SCP2: variants seen among roughly 807,000 people sequenced by gnomAD.
The protein encoded by SCP2 is sterol carrier protein 2.
In SCP2, 48 loss-of-function variants were observed where a neutral mutation model predicts 71.4. The observed-to-expected ratio is 0.67, with a 90% CI of 0.53 to 0.86. The LOEUF (loss-of-function observed/expected upper bound fraction) is 0.86. Among genes scored for constraint, SCP2 ranks in the 40% least tolerant of loss-of-function variants. SCP2 has a pLI of 0.00. For synonymous variants in SCP2, 220 were observed against 218.1 expected, an observed-to-expected ratio of 1.01 and a Z score of -0.08; for missense variants, 560 against 655.6, an observed-to-expected ratio of 0.85 and a Z score of 1.59.
In SCP2 at chr1:52,974,783, C is replaced by T; in HGVS notation, c.538C>T (p.His180Tyr). 6.5e-7 allele frequency: 1 copy of T among 1,543,156 alleles called. No homozygotes were observed. Among genetic ancestry groups the T allele is most frequent in the Non-Finnish European group, 9.0e-7 (1 of 1,115,458 alleles). Residue 180 changes from histidine to tyrosine, a missense_variant, in exon 7 of 16, where the codon CAC becomes TAC. Coordinates refer to ENST00000371514, the MANE Select transcript of SCP2 (RefSeq NM_002979.5). ...HMEKYGTKIE[H>Y]FAKIGWKNHK... is the part of the protein sequence containing the mutation. ...TTTCTTTACAGGAACAAAAATTGAA[C>T]ACTTTGCAAAAATTGGATGGAAAAA...
chr1:52,991,725 G>GA (rs1435983656), intron 11 of SCP2, among the ~76,000 whole-genome samples: 7 of 151,680 alleles, frequency 4.6e-5, no homozygotes, highest in Middle Eastern at 3.4e-3. Context: ...ATCACAGTAT[G>GA]AAAAATAATT....
chr1:53,003,514 C>T (rs2150212714), intron 11 of SCP2, among the ~76,000 whole-genome samples: 1 of 152,040 alleles, frequency 6.6e-6, no homozygotes, highest in South Asian at 2.1e-4. Flanking sequence ...GCCATCATGC[C>T]TTCTTTTTCT....
intron 11 of SCP2, among the ~76,000 whole-genome samples, chr1:53,012,973 T>A (rs1047365743): frequency 2.0e-5 from 3 of 152,222 alleles, no homozygotes; most frequent in African/African-American, 7.2e-5. Context: ...TACATATTCA[T>A]TTATAAAGGC....
intron 11 of SCP2, 107 bp downstream of exon 11, chr1:52,988,243 C>T: frequency 1.4e-6 from 1 of 703,810 alleles, no homozygotes; most frequent in Non-Finnish European, 2.6e-6. Context: ...AACTTGGTAG[C>T]TGGTGCTTTA....
intron 11 of SCP2, among the ~76,000 whole-genome samples, chr1:53,008,422 T>G (rs2150220012): frequency 6.6e-6 from 1 of 152,292 alleles, no homozygotes; most frequent in South Asian, 2.1e-4. Context: ...ATCAAAAAGC[T>G]TATCCACCAC....
At chr1:52,964,882 T>C (rs1572100680) in intron 6 of SCP2, among the ~76,000 whole-genome samples, 1 of 151,996 alleles carries the variant, frequency 6.6e-6, no homozygotes, top group East Asian at 1.9e-4. Flanking sequence ...AGCCTGGTAG[T>C]GCACACCTGT....
chr1:53,050,866 G>T lies in SCP2; in HGVS notation c.*162G>T. The T allele has an allele frequency of 1.6e-6, 1 of 607,766 alleles. No individual in the cohort carries two copies. The highest frequency in any genetic ancestry group is 3.0e-6 in the Non-Finnish European group (1 of 337,720). 37.6% of individuals were successfully genotyped at this position (607,766 alleles called of 1,614,324 possible). ...CCAATCCTGTTTTTCCTATGCTCTG[G>T]GTGAATAGAGCCTGATGGTATACTA... is the stretch of plus-strand genomic sequence containing the variant. On this transcript the variant is annotated 3_prime_UTR_variant, in exon 16 of 16. Transcript: ENST00000371514.
intron 2 of SCP2, among the ~76,000 whole-genome samples, chr1:52,942,904 G>T (rs1180069706): frequency 6.6e-6 from 1 of 151,950 alleles, no homozygotes; most frequent in East Asian, 1.9e-4. Context: ...GTTTCACCAT[G>T]TTAGCTAGGC....
intron 11 of SCP2, among the ~76,000 whole-genome samples, chr1:53,008,719 C>T (rs1179261332): frequency 6.6e-6 from 1 of 152,132 alleles, no homozygotes; most frequent in Non-Finnish European, 1.5e-5. Flanking sequence ...CAAACTGGCA[C>T]AAGACAGGAA....
chr1:52,942,576 GA>G (rs1654357625), intron 2 of SCP2, among the ~76,000 whole-genome samples: 1 of 151,572 alleles, frequency 6.6e-6, no homozygotes, highest in African/African-American at 2.4e-5. Flanking sequence ...AAAAAAAGGG[GA>G]CAAGTATGAA....
intron 2 of SCP2, among the ~76,000 whole-genome samples, chr1:52,942,799 A>C (rs1654389632): frequency 6.7e-6 from 1 of 149,928 alleles, no homozygotes; most frequent in Admixed American, 6.7e-5. Flanking sequence ...TCCCAGGTTC[A>C]AGTGATTCTC....
Position 53,017,941 on chromosome 1 carries a change from G to A in SCP2, c.1235+2898G>A, listed in dbSNP as rs140253682. Among the ~76,000 whole-genome samples the A allele has an allele frequency of 6.3e-3, 954 of 152,118 alleles. 16 individuals carry two copies. Among genetic ancestry groups the A allele is most frequent in the African/African-American group, 0.022 (917 of 41,506 alleles). On this transcript the variant is annotated intron_variant, in intron 12 of 15. Transcript: ENST00000371514. Reference sequence around the variant, plus strand: ...ACAATCTCGGCTCACTGCAACCTCCGCCTCCCAGGTGCAAGTGATTCTCTT... The same window carrying A: ...ACAATCTCGGCTCACTGCAACCTCCACCTCCCAGGTGCAAGTGATTCTCTT...
chr1:53,037,138 A>G (rs148705313), intron 13 of SCP2, among the ~76,000 whole-genome samples: 9,671 of 152,234 alleles, frequency 0.064, 862 homozygotes, highest in African/African-American at 0.2. Flanking sequence ...CTCTGTCTCA[A>G]AAAATAATAA....
At chr1:52,971,134 C>A (rs556647504) in intron 6 of SCP2, among the ~76,000 whole-genome samples, 1 of 151,952 alleles carries the variant, frequency 6.6e-6, no homozygotes, top group Middle Eastern at 3.2e-3. Flanking sequence ...CGCCACCACG[C>A]CTGGCTAATT....
intron 14 of SCP2, among the ~76,000 whole-genome samples, 158 bp downstream of exon 14, chr1:53,039,204 T>C (rs987512108): frequency 6.6e-6 from 1 of 152,170 alleles, no homozygotes; most frequent in Non-Finnish European, 1.5e-5. Flanking sequence ...CAAAGCCACC[T>C]CCTCCCAAGG....
chr1:52,976,763 A>C lies in SCP2; in HGVS notation c.668A>C (p.Gln223Pro). ...KEVFDFLTIL[Q>P]CCPTSDGAAA... ...GTTTTTGATTTTTTGACTATCTTAC[A>C]ATGTTGGTAAGAAAAATATATTTTA... The change falls in exon 8 of 16, where the codon CAA (glutamine) becomes CCA (proline). Residue 223 changes from glutamine (Q) to proline (P), a missense_variant. Around this residue, in one of 3 missense-constraint regions of SCP2, gnomAD observed 513 missense variants for 573.1 expected, o/e 0.90. Transcript: ENST00000371514. The C allele has an allele frequency of 7.1e-7, 1 of 1,410,438 alleles. No homozygotes were observed. The highest frequency in any genetic ancestry group is 1.0e-6 in the Non-Finnish European group (1 of 994,790). 87.4% of individuals were successfully genotyped at this position (1,410,438 alleles called of 1,614,324 possible).
chr1:52,978,397 AT>A (rs747720082), intron 9 of SCP2, 30 bp downstream of exon 9: 2 of 1,563,328 alleles, frequency 1.3e-6, no homozygotes, highest in East Asian at 2.2e-5. Context: ...TGTTATTTTT[AT>A]TTTTAAGATG....
chr1:52,992,497 A>G (rs1172547300), intron 11 of SCP2, among the ~76,000 whole-genome samples: 1 of 152,198 alleles, frequency 6.6e-6, no homozygotes, highest in East Asian at 1.9e-4. Context: ...TGGCTGTGAA[A>G]AAGAGTTAAA....
intron 11 of SCP2, among the ~76,000 whole-genome samples, chr1:53,014,242 C>T (rs1348260022): frequency 6.6e-6 from 1 of 152,060 alleles, no homozygotes; most frequent in Non-Finnish European, 1.5e-5. Context: ...CCTTCAATAG[C>T]TGGTCCGATA....
Sources: allele counts gnomAD v4.1 joint callset (sites outside exome capture counted in the v4.1 genomes callset), GRCh38; gene constraint gnomAD v4.1.1; regional missense constraint gnomAD v4.1.1; transcripts MANE v1.5; gene names NCBI Gene and HGNC (gene_info 2026-07-23, HGNC 2026-07-21).